Variants in SLCO3A1 observed in about 807,000 individuals in gnomAD.
The protein encoded by SLCO3A1 is solute carrier organic anion transporter family member 3A1.
Under a neutral mutation model 63.1 loss-of-function variants are expected in SLCO3A1, and 27 were observed. The ratio of observed to expected loss-of-function variants is 0.43; its 90% CI spans 0.32 to 0.59. The LOEUF is 0.59. Among genes scored for constraint, SLCO3A1 ranks in the 20% least tolerant of loss-of-function variants. SLCO3A1 has a pLI of 0.09. For missense variants in SLCO3A1, 773 were observed against 945.8 expected (o/e 0.82, Z 2.40); for synonymous variants, 473 against 409.9 (o/e 1.15, Z -1.86).
intron 1 of SLCO3A1, among the ~76,000 whole-genome samples, chr15:91,881,190 G>T (rs1057049328): frequency 4.6e-5 from 7 of 152,114 alleles, no homozygotes; most frequent in African/African-American, 1.7e-4. Context: ...ACCCTTTTGG[G>T]GAAGATCAAA....
At chr15:92,127,814 A>G (rs1596125380) in intron 6 of SLCO3A1, among the ~76,000 whole-genome samples, 1 of 152,340 alleles carries the variant, frequency 6.6e-6, no homozygotes, top group East Asian at 1.9e-4. Flanking sequence ...GAAGCAGTGT[A>G]GTAAGTAAGC....
intron 1 of SLCO3A1, among the ~76,000 whole-genome samples, chr15:91,910,148 C>T (rs1396219601): frequency 6.6e-6 from 1 of 152,202 alleles, no homozygotes; most frequent in African/African-American, 2.4e-5. Flanking sequence ...TAAACTCTCC[C>T]TCTGCCAGCC....
chr15:91,934,960 T>C (rs913503229), intron 2 of SLCO3A1, among the ~76,000 whole-genome samples: 7 of 152,158 alleles, frequency 4.6e-5, no homozygotes, highest in South Asian at 2.1e-4. Flanking sequence ...TTCCTGACTT[T>C]TTTTTTGTTT....
At chr15:91,984,687 G>A (rs909597497) in intron 2 of SLCO3A1, among the ~76,000 whole-genome samples, 2 of 152,070 alleles carry the variant, frequency 1.3e-5, no homozygotes, top group African/African-American at 2.4e-5. Flanking sequence ...TACTGTCATC[G>A]GCTGATATCT....
chr15:92,006,516 G>C (rs987242703), intron 2 of SLCO3A1, among the ~76,000 whole-genome samples: 5 of 152,158 alleles, frequency 3.3e-5, no homozygotes, highest in African/African-American at 1.2e-4. Context: ...GAGTGCTGGG[G>C]TTCATGCTGG....
intron 2 of SLCO3A1, among the ~76,000 whole-genome samples, chr15:91,922,804 CAGTT>C (rs1898893159): frequency 6.6e-6 from 1 of 152,140 alleles, no homozygotes; most frequent in Admixed American, 6.5e-5. Context: ...TAAAAGTGGT[CAGTT>C]TGTTTTGGCC....
chr15:92,004,502 T>C (rs1386645431), intron 2 of SLCO3A1, among the ~76,000 whole-genome samples: 1 of 152,194 alleles, frequency 6.6e-6, no homozygotes, highest in Non-Finnish European at 1.5e-5. Flanking sequence ...CCACGCAGCA[T>C]TAGAAGAGTA....
intron 2 of SLCO3A1, among the ~76,000 whole-genome samples, chr15:92,051,333 G>A (rs1293685024): frequency 6.6e-6 from 1 of 152,086 alleles, no homozygotes; most frequent in Non-Finnish European, 1.5e-5. Context: ...CACCCTTAGG[G>A]AACAGCTTTG....
At chr15:91,994,976 A>G (rs1222352560) in intron 2 of SLCO3A1, among the ~76,000 whole-genome samples, 4 of 152,182 alleles carry the variant, frequency 2.6e-5, no homozygotes, top group Admixed American at 6.5e-5. Flanking sequence ...CCCTGCCCTC[A>G]TTCCCACGTA....
intron 2 of SLCO3A1, among the ~76,000 whole-genome samples, chr15:92,075,291 A>G (rs1355236847): frequency 1.3e-5 from 2 of 152,072 alleles, no homozygotes; most frequent in South Asian, 2.1e-4. Context: ...TCCTTTAGTT[A>G]TTACATGGCA....
chr15:92,002,586 C>T (rs1213422006), intron 2 of SLCO3A1, among the ~76,000 whole-genome samples: 2 of 152,142 alleles, frequency 1.3e-5, no homozygotes, highest in Non-Finnish European at 2.9e-5. Context: ...TTCTTGACTC[C>T]AGCCTTTCCA....
chr15:91,972,394 T>G (rs1340356443), intron 2 of SLCO3A1, among the ~76,000 whole-genome samples: 1 of 152,076 alleles, frequency 6.6e-6, no homozygotes, highest in Non-Finnish European at 1.5e-5. Flanking sequence ...GTTAGTACCC[T>G]TATAAAAGAG....
intron 1 of SLCO3A1, among the ~76,000 whole-genome samples, chr15:91,906,928 G>GT (rs10713499): frequency 3.1e-4 from 46 of 147,592 alleles, no homozygotes; most frequent in South Asian, 6.4e-4. Flanking sequence ...TAAATTGAGT[G>GT]TTTTTTTTTT....
intron 4 of SLCO3A1, 96 bp from the exon 5 acceptor site, chr15:92,120,369 A>T: frequency 7.8e-7 from 1 of 1,289,278 alleles, no homozygotes; most frequent in Non-Finnish European, 1.1e-6. Flanking sequence ...AATGGACAAG[A>T]GCGGGCCAAG....
In SLCO3A1 at chr15:91,917,292, C is replaced by T. The variant is rs538755957; in HGVS notation, c.646+834C>T. 1.3e-4 allele frequency among the ~76,000 whole-genome samples: 20 copies of T among 152,328 alleles called. 1 individual carries two copies. In the East Asian group the frequency reaches 3.3e-3, roughly 25 times the overall value. ...GTGCTAAGCTTTGAAAACATTACCT[C>T]TACCCAGGGAAGCTTTATGCCTCCC... On this transcript the variant is annotated intron_variant, in intron 2 of 9. Transcript: ENST00000318445.
chr15:92,087,575 A>G (rs753070388), intron 2 of SLCO3A1, among the ~76,000 whole-genome samples: 86 of 146,908 alleles, frequency 5.9e-4, no homozygotes, highest in African/African-American at 2.0e-3. Context: ...CTGGAGTGCA[A>G]TGGCGCTATC....
At chr15:92,151,394 C>T (rs747638209) in intron 9 of SLCO3A1, among the ~76,000 whole-genome samples, 9 of 152,170 alleles carry the variant, frequency 5.9e-5, no homozygotes, top group Non-Finnish European at 1.0e-4. Context: ...GAGGCGTTCT[C>T]ACAATGCCTT....
chr15:91,921,513 TTCTC>T (rs1342845398), intron 2 of SLCO3A1, among the ~76,000 whole-genome samples: 1 of 152,228 alleles, frequency 6.6e-6, no homozygotes, highest in Non-Finnish European at 1.5e-5. Context: ...ATTGTAATTT[TTCTC>T]TCTAAGTACT....
intron 2 of SLCO3A1, among the ~76,000 whole-genome samples, chr15:92,052,907 G>A (rs954169429): frequency 3.3e-5 from 5 of 151,868 alleles, no homozygotes; most frequent in African/African-American, 1.2e-4. Flanking sequence ...AATTTTACCT[G>A]TTTCCTTTTA....
Sources: gnomAD v4.1 joint callset for allele counts (sites outside exome capture counted in the v4.1 genomes callset) on GRCh38, gnomAD v4.1.1 for gene constraint, MANE v1.5 for transcripts, NCBI Gene and HGNC (gene_info 2026-07-23, HGNC 2026-07-21) for gene names.